IL18RAP: variants seen among roughly 807,000 people sequenced by gnomAD.
IL18RAP encodes the protein interleukin 18 receptor accessory protein, also known as interleukin-18 receptor accessory protein.
Under a neutral mutation model 58.1 loss-of-function variants are expected in IL18RAP, and 37 were observed. That is an observed-to-expected ratio of 0.64 (90% CI 0.49 to 0.84). IL18RAP has a LOEUF of 0.84. Ranked by LOEUF, IL18RAP falls within the 40% of genes least tolerant of loss-of-function variation. The probability of loss-of-function intolerance (pLI) is 0.00; values close to 1 mark genes in which losing one functional copy is unlikely to be tolerated. For missense variants in IL18RAP, 667 were observed against 704.8 expected (o/e 0.95, Z 0.61); for synonymous variants, 268 against 257.5 (o/e 1.04, Z -0.39).
chr2:102,438,027 T>G (rs1016192113), intron 4 of IL18RAP, among the ~76,000 whole-genome samples: 1 of 152,230 alleles, frequency 6.6e-6, no homozygotes, highest in South Asian at 2.1e-4. Flanking sequence ...ACTTTATGAC[T>G]GGTGTTAAGT....
intron 8 of IL18RAP, among the ~76,000 whole-genome samples, chr2:102,450,315 A>G (rs1683685661): frequency 1.3e-5 from 1 of 76,310 alleles, no homozygotes; most frequent in South Asian, 4.4e-4. Flanking sequence ...AAGTTCATAT[A>G]CATTATCTCA....
At chr2:102,444,047 G>A (rs1326387481) in intron 6 of IL18RAP, among the ~76,000 whole-genome samples, 1 of 152,202 alleles carries the variant, frequency 6.6e-6, no homozygotes, top group Non-Finnish European at 1.5e-5. Flanking sequence ...AATCAGATGT[G>A]TCTCCAAAGG....
chr2:102,449,058 C>T (rs932965002), intron 8 of IL18RAP, among the ~76,000 whole-genome samples: 7 of 56,214 alleles, frequency 1.2e-4, no homozygotes, highest in Admixed American at 4.5e-4. Flanking sequence ...CACTTGAAGT[C>T]TGGATTTGAG....
intron 8 of IL18RAP, among the ~76,000 whole-genome samples, chr2:102,448,174 G>A (rs139172228): frequency 4.5e-4 from 69 of 152,324 alleles, no homozygotes; most frequent in African/African-American, 1.3e-3. Context: ...TACCAGCCAG[G>A]TAGAGAGACA....
intron 5 of IL18RAP, 131 bp from the exon 6 acceptor site, chr2:102,443,069 C>T (rs1261190832): frequency 3.7e-6 from 3 of 805,382 alleles, no homozygotes; most frequent in Non-Finnish European, 5.9e-6. Flanking sequence ...TTCATTATTT[C>T]TGGCACACAT....
intron 4 of IL18RAP, chr2:102,440,563 T>C (rs1181102958): frequency 6.6e-6 from 1 of 152,164 alleles, no homozygotes; most frequent in East Asian, 1.9e-4. Flanking sequence ...GGGTGTGTTT[T>C]CTCTTTTTTA....
At position 102,444,404 on chromosome 2, in the gene IL18RAP, C is replaced by A. The variant is rs147549317; in HGVS notation, c.921-785C>A. Reference sequence around the variant, plus strand: ...CTTAGCCCCGGTGAGCCTCCATCACCCATTGATAATCTATGGATAATAGCC... The same window carrying A: ...CTTAGCCCCGGTGAGCCTCCATCACACATTGATAATCTATGGATAATAGCC... On this transcript the variant is annotated intron_variant, in intron 6 of 9. Transcript: ENST00000687160. Among the ~76,000 whole-genome samples, 467 of 152,262 alleles carry A rather than the reference C, an allele frequency of 3.1e-3. 3 individuals carry two copies. The highest frequency in any genetic ancestry group is 0.021 in the South Asian group (99 of 4,826).
intron 6 of IL18RAP, 135 bp downstream of exon 6, chr2:102,443,458 C>T: frequency 1.1e-6 from 1 of 912,942 alleles, no homozygotes; most frequent in Non-Finnish European, 1.6e-6. Context: ...CACAAAAATG[C>T]AAAGTGCAAA....
intron 6 of IL18RAP, among the ~76,000 whole-genome samples, chr2:102,444,524 C>T (rs1683298719): frequency 6.6e-6 from 1 of 152,210 alleles, no homozygotes; most frequent in South Asian, 2.1e-4. Flanking sequence ...TGAATAGGAG[C>T]TGGCATCGTG....
At chr2:102,424,192 C>A in intron 2 of IL18RAP, 39 bp from the exon 3 acceptor site, 1 of 1,609,320 alleles carries the variant, frequency 6.2e-7, no homozygotes, top group South Asian at 1.1e-5. Context: ...ATTATCTAGA[C>A]AAAATATCTA....
chr2:102,424,281 C>T lies in IL18RAP; in HGVS notation c.446C>T (p.Pro149Leu). ...CCVKMILEVK[P>L]QTNASCEYSA... ...GTCAAGATGATTTTAGAAGTTAAGC[C>T]CCAGACAAATGCATCCTGTGAGTAT... is the stretch of plus-strand genomic sequence containing the variant. Residue 149 changes from proline to leucine, a missense_variant, in exon 3 of 10, where the codon CCC (proline) becomes CTC (leucine). Pro to Leu is a moderately conservative substitution (Grantham distance 98). Transcript: ENST00000687160. 1 of 1,613,990 alleles carries T rather than the reference C, an allele frequency of 6.2e-7. No homozygotes were observed.
intron 7 of IL18RAP, 46 bp downstream of exon 7, chr2:102,445,386 G>C (rs1375582851): frequency 3.2e-6 from 5 of 1,561,136 alleles, no homozygotes; most frequent in Non-Finnish European, 4.4e-6. Flanking sequence ...GCTTTCACTT[G>C]AGAGGGGAGG....
At chr2:102,444,803 G>A (rs1251114816) in intron 6 of IL18RAP, among the ~76,000 whole-genome samples, 4 of 152,308 alleles carry the variant, frequency 2.6e-5, no homozygotes, top group East Asian at 3.9e-4. Flanking sequence ...GGGTTCCTGG[G>A]AGGTGAGGAA....
At chr2:102,447,980 C>T (rs1033434091) in intron 8 of IL18RAP, among the ~76,000 whole-genome samples, 15 of 152,032 alleles carry the variant, frequency 9.9e-5, no homozygotes, top group East Asian at 3.9e-4. Flanking sequence ...GTGATCCGTC[C>T]GCCTCGGCCT....
chr2:102,444,807 T>A (rs1683313885), intron 6 of IL18RAP, among the ~76,000 whole-genome samples: 1 of 151,904 alleles, frequency 6.6e-6, no homozygotes, highest in Non-Finnish European at 1.5e-5. Context: ...TCCTGGGAGG[T>A]GAGGAATGGA....
chr2:102,441,504 T>G (rs1683102159), intron 5 of IL18RAP, 127 bp downstream of exon 5: 2 of 692,626 alleles, frequency 2.9e-6, no homozygotes, highest in Non-Finnish European at 5.0e-6. Context: ...ACTCAGCCAT[T>G]GACTAGTTTT....
chr2:102,441,620 G>A (rs1683108852), intron 5 of IL18RAP, among the ~76,000 whole-genome samples: 1 of 152,196 alleles, frequency 6.6e-6, no homozygotes, highest in Non-Finnish European at 1.5e-5. Context: ...GGGCATGGTG[G>A]CTTATGCCTG....
At chr2:102,431,714 C>T (rs1490213698) in intron 3 of IL18RAP, among the ~76,000 whole-genome samples, 3 of 151,956 alleles carry the variant, frequency 2.0e-5, no homozygotes, top group African/African-American at 7.2e-5. Context: ...TATTCTTTAT[C>T]TGTAGGATTT....
At chr2:102,441,908 C>G (rs566458570) in intron 5 of IL18RAP, among the ~76,000 whole-genome samples, 3 of 151,938 alleles carry the variant, frequency 2.0e-5, no homozygotes, top group Admixed American at 2.0e-4. Context: ...AAAAATTATA[C>G]TGAGAAATAA....
Sources: allele counts gnomAD v4.1 joint callset (sites outside exome capture counted in the v4.1 genomes callset), GRCh38; gene constraint gnomAD v4.1.1; transcripts MANE v1.5; gene names NCBI Gene and HGNC (gene_info 2026-07-23, HGNC 2026-07-21).